The following SORCS3 variants were observed in gnomAD, a reference collection of about 807,000 sequenced individuals.
SORCS3 encodes the protein sortilin related VPS10 domain containing receptor 3, also known as VPS10 domain-containing receptor SorCS3.
In SORCS3, 57 loss-of-function variants were observed where a neutral mutation model predicts 146.3. The observed-to-expected ratio is 0.39, with a 90% CI of 0.31 to 0.49. The LOEUF (loss-of-function observed/expected upper bound fraction) is 0.49. Among genes scored for constraint, SORCS3 ranks in the 20% least tolerant of loss-of-function variants. The pLI is 0.92. For missense variants in SORCS3, 1,341 were observed against 1,575.5 expected (o/e 0.85, Z 2.52); for synonymous variants, 653 against 618.5 (o/e 1.06, Z -0.83).
At chr10:104,979,565 T>TG (rs1564727466) in intron 4 of SORCS3, among the ~76,000 whole-genome samples, 10 of 150,318 alleles carry the variant, frequency 6.7e-5, no homozygotes, top group African/African-American at 2.2e-4. Flanking sequence ...GAATTTGTGT[T>TG]TGTGTGTGTG....
intron 3 of SORCS3, among the ~76,000 whole-genome samples, chr10:104,947,684 G>A (rs900757096): frequency 1.1e-4 from 16 of 152,072 alleles, no homozygotes; most frequent in African/African-American, 3.4e-4. Context: ...GTGCAGTGGC[G>A]CAATCTTGGC....
intron 1 of SORCS3, among the ~76,000 whole-genome samples, chr10:104,708,360 T>A (rs566784272): frequency 1.0e-3 from 154 of 152,262 alleles, no homozygotes; most frequent in Non-Finnish European, 1.9e-3. Flanking sequence ...GCCACCACAG[T>A]CTTGCAATTA....
intron 22 of SORCS3, among the ~76,000 whole-genome samples, chr10:105,251,764 GA>G (rs1216376331): frequency 2.0e-5 from 3 of 152,218 alleles, no homozygotes; most frequent in Non-Finnish European, 2.9e-5. Context: ...CCTTCAGACA[GA>G]AGCTTACTTT....
chr10:105,235,078 T>C (rs930891095), intron 20 of SORCS3, among the ~76,000 whole-genome samples: 20 of 152,166 alleles, frequency 1.3e-4, no homozygotes, highest in African/African-American at 3.6e-4. Flanking sequence ...CTCCCTCTCC[T>C]GATCCCTCAG....
chr10:105,157,746 G>T (rs540028653), intron 10 of SORCS3, among the ~76,000 whole-genome samples: 1 of 152,178 alleles, frequency 6.6e-6, no homozygotes, highest in South Asian at 2.1e-4. Context: ...GATTCCTGTT[G>T]TATGGGATAT....
chr10:104,762,561 C>G, intron 1 of SORCS3, among the ~76,000 whole-genome samples: 1 of 152,160 alleles, frequency 6.6e-6, no homozygotes, highest in Admixed American at 6.5e-5. Flanking sequence ...TATGGTTTGG[C>G]TCTGTGTCCC....
At chr10:105,252,990 A>C in intron 23 of SORCS3, 84 bp downstream of exon 23, 3 of 1,504,068 alleles carry the variant, frequency 2.0e-6, no homozygotes, top group Non-Finnish European at 1.8e-6. Context: ...CCAGAAAGGG[A>C]GACAGGCTCT....
intron 4 of SORCS3, among the ~76,000 whole-genome samples, chr10:104,993,523 G>A (rs1428333276): frequency 6.6e-6 from 1 of 152,168 alleles, no homozygotes; most frequent in Middle Eastern, 3.2e-3. Flanking sequence ...AAAAAGATAC[G>A]TTAGCTTTTA....
intron 5 of SORCS3, among the ~76,000 whole-genome samples, chr10:105,049,333 A>G (rs1325948932): frequency 6.6e-6 from 1 of 151,992 alleles, no homozygotes; most frequent in Non-Finnish European, 1.5e-5. Flanking sequence ...TGGACTCTAA[A>G]GCTATTCTGT....
At chr10:104,696,666 AATATATAACATATATAAT>A (rs1256683400) in intron 1 of SORCS3, among the ~76,000 whole-genome samples, 1 of 6,848 alleles carries the variant, frequency 1.5e-4, no homozygotes, top group Non-Finnish European at 2.6e-4. Flanking sequence ...ACGTATATAT[AATATATAACATATATAAT>A]ATATAATATA....
rs1055088046 is a variant in SORCS3, at chr10:104,888,987, A to G, written c.696-26846A>G. The stretch of plus-strand genomic sequence containing the variant: ...TTTGGAGTTGTTAGTGGATGCATAA[A>G]CATTAGGATTGTTATGTCTTCTGGA... On this transcript the variant is annotated intron_variant, in intron 2 of 26. Transcript: ENST00000369701. Among the ~76,000 whole-genome samples, 6 of 152,188 alleles carry G rather than the reference A, an allele frequency of 3.9e-5. No homozygotes were observed. The East Asian group carries it at 1.2e-3, about 29-fold the overall frequency.
chr10:104,744,484 G>A (rs1018730409), intron 1 of SORCS3, among the ~76,000 whole-genome samples: 1 of 152,070 alleles, frequency 6.6e-6, no homozygotes, highest in African/African-American at 2.4e-5. Context: ...GATTTTTCTT[G>A]TATAATCCTC....
chr10:104,754,526 A>T (rs755805935), intron 1 of SORCS3, among the ~76,000 whole-genome samples: 10 of 152,190 alleles, frequency 6.6e-5, no homozygotes, highest in Non-Finnish European at 1.5e-4. Flanking sequence ...GGGGGGAAAA[A>T]CTTTACCCCC....
chr10:105,232,782 A>G (rs1601211), intron 20 of SORCS3, among the ~76,000 whole-genome samples: 81,739 of 151,904 alleles, frequency 0.54, 23,742 homozygotes, highest in African/African-American at 0.76. Flanking sequence ...TTTGACTAAT[A>G]TGTTATTTAG....
intron 5 of SORCS3, among the ~76,000 whole-genome samples, chr10:105,071,984 T>A (rs1049878651): frequency 6.6e-6 from 1 of 152,184 alleles, no homozygotes; most frequent in African/African-American, 2.4e-5. Flanking sequence ...TTCCTGGGTC[T>A]CTTGGTGTAA....
intron 2 of SORCS3, among the ~76,000 whole-genome samples, chr10:104,907,542 T>C (rs1379403200): frequency 6.6e-6 from 1 of 152,220 alleles, no homozygotes; most frequent in South Asian, 2.1e-4. Flanking sequence ...CTGGTGGGTC[T>C]ACAACTTATC....
chr10:105,227,985 T>TTGTGTGTGTGTG lies in SORCS3; in HGVS notation c.2868+4774_2868+4785dup, dbSNP rs59033040. Among the ~76,000 whole-genome samples, 165 of 128,914 alleles carry TTGTGTGTGTGTG rather than the reference T, an allele frequency of 1.3e-3. 1 individual carries two copies. The highest frequency in any genetic ancestry group is 4.5e-3 in the African/African-American group (153 of 34,086). 84.6% of individuals were successfully genotyped at this position (128,914 alleles called of 152,430 possible). The stretch of plus-strand genomic sequence containing the variant: ...TTGTAGGCAGCATATTGTGGTCATT[T>TTGTGTGTGTGTG]TGTGTGTGTGTGTGTGTGTGTGTGT... On this transcript the variant is annotated intron_variant, in intron 20 of 26. Transcript: ENST00000369701.
chr10:104,945,460 T>C (rs2019360820), intron 3 of SORCS3, among the ~76,000 whole-genome samples: 1 of 152,056 alleles, frequency 6.6e-6, no homozygotes, highest in African/African-American at 2.4e-5. Context: ...GTTTTCACCA[T>C]GTTGGCCAGG....
intron 7 of SORCS3, among the ~76,000 whole-genome samples, chr10:105,117,229 A>C (rs938685298): frequency 1.3e-5 from 2 of 152,048 alleles, no homozygotes; most frequent in Non-Finnish European, 2.9e-5. Flanking sequence ...CCTGCTTCCT[A>C]GTTTCACCAC....
Sources: gnomAD v4.1 joint callset for allele counts (sites outside exome capture counted in the v4.1 genomes callset) on GRCh38, gnomAD v4.1.1 for gene constraint, MANE v1.5 for transcripts, NCBI Gene and HGNC (gene_info 2026-07-23, HGNC 2026-07-21) for gene names.